Variants in URI1 observed in about 807,000 individuals in gnomAD.
URI1 encodes URI1 prefoldin like chaperone.
Under a neutral mutation model 60.2 loss-of-function variants are expected in URI1, and 39 were observed. The observed-to-expected ratio is 0.65, with a 90% CI of 0.50 to 0.85. The LOEUF is 0.85. Among genes scored for constraint, URI1 ranks in the 40% least tolerant of loss-of-function variants. URI1 has a pLI of 0.00. For missense variants in URI1, 691 were observed against 665.9 expected, an observed-to-expected ratio of 1.04 and a Z score of -0.42; for synonymous variants, 251 against 236.8, an observed-to-expected ratio of 1.06 and a Z score of -0.55.
chr19:29,972,812 C>G (rs1463854595), intron 2 of URI1, among the ~76,000 whole-genome samples: 3 of 152,124 alleles, frequency 2.0e-5, no homozygotes, highest in African/African-American at 7.2e-5. Context: ...ATGGCAGGTT[C>G]ATGTGACCCT....
At chr19:30,005,929 A>T (rs1444909696) in intron 6 of URI1, among the ~76,000 whole-genome samples, 1 of 151,986 alleles carries the variant, frequency 6.6e-6, no homozygotes, top group African/African-American at 2.4e-5. Flanking sequence ...TAGTGGTGGG[A>T]TTACATGGCT....
intron 2 of URI1, among the ~76,000 whole-genome samples, chr19:29,977,492 A>G (rs970803631): frequency 2.0e-5 from 3 of 151,558 alleles, no homozygotes; most frequent in East Asian, 1.9e-4. Context: ...TTTACTGACT[A>G]CAAAGTTTTC....
intron 1 of URI1, among the ~76,000 whole-genome samples, chr19:29,963,085 TTG>T (rs2055347312): frequency 6.6e-6 from 1 of 152,202 alleles, no homozygotes. Flanking sequence ...GTTAACTATG[TTG>T]TGCCTTGAAA....
intron 1 of URI1, among the ~76,000 whole-genome samples, chr19:29,964,845 A>G (rs560352832): frequency 3.1e-4 from 46 of 148,464 alleles, no homozygotes; most frequent in African/African-American, 1.0e-3. Context: ...ACCTGGGAGT[A>G]TATTTTCCTG....
At chr19:29,982,934 G>A (rs1434322289) in intron 2 of URI1, among the ~76,000 whole-genome samples, 1 of 152,156 alleles carries the variant, frequency 6.6e-6, no homozygotes, top group Non-Finnish European at 1.5e-5. Context: ...TGCCATTGAA[G>A]TTACTAAGAC....
chr19:30,008,913 C>G, intron 7 of URI1, 92 bp from the exon 8 acceptor site: 1 of 972,324 alleles, frequency 1.0e-6, no homozygotes, highest in South Asian at 2.0e-5. Context: ...TATTCAAGAT[C>G]TTAGTATTTA....
Position 29,992,056 on chromosome 19 carries a change from A to G in URI1, c.367+5639A>G, listed in dbSNP as rs138274136. ...TTTACTTTTATGCTAACTATATCAT[A>G]TTTAAAGTGGGTTTCTTTTTTTTGT... On this transcript the variant is annotated intron_variant, in intron 4 of 10. Transcript: ENST00000392271. Among the ~76,000 whole-genome samples, 49 of 152,182 alleles carry G rather than the reference A, an allele frequency of 3.2e-4. 1 individual carries two copies. In the East Asian group the frequency reaches 9.3e-3, roughly 29 times the overall value.
chr19:30,014,737 A>G lies in URI1; in HGVS notation c.1426-150A>G. The G allele has an allele frequency of 6.3e-6, 4 of 630,800 alleles. No homozygotes were observed. In the South Asian group the frequency reaches 1.1e-4, roughly 17 times the overall value. The allele number at this position is 630,800 out of a possible 1,614,324, so 39.1% of individuals were successfully genotyped here. ...AAACTTAATGGTGTTGGTTTCTCTG[A>G]ACAATTAGTATTTTGGTGTAGTAGT... On this transcript the variant is annotated intron_variant, in intron 10 of 10. Transcript: ENST00000392271.
intron 4 of URI1, among the ~76,000 whole-genome samples, chr19:29,998,501 G>A (rs1339071932): frequency 6.6e-6 from 1 of 152,016 alleles, no homozygotes; most frequent in African/African-American, 2.4e-5. Context: ...GCTCTGTTAG[G>A]TATGTATGTA....
intron 4 of URI1, among the ~76,000 whole-genome samples, chr19:29,989,119 T>A (rs1161927215): frequency 6.6e-6 from 1 of 152,192 alleles, no homozygotes; most frequent in African/African-American, 2.4e-5. Flanking sequence ...CTTTTTTTTT[T>A]TTATTTTTTG....
chr19:29,969,718 G>A (rs1367471429), intron 1 of URI1, among the ~76,000 whole-genome samples: 2 of 152,126 alleles, frequency 1.3e-5, no homozygotes, highest in Non-Finnish European at 2.9e-5. Context: ...TTTTAATGGG[G>A]TTGTTAAATA....
chr19:29,977,548 GTTATT>G (rs2055538664), intron 2 of URI1, among the ~76,000 whole-genome samples: 1 of 129,266 alleles, frequency 7.7e-6, no homozygotes, highest in Non-Finnish European at 1.6e-5. Flanking sequence ...TTTTCTTTAT[GTTATT>G]TTTTCTTTTT....
chr19:29,974,984 G>C (rs1329619957), intron 2 of URI1, among the ~76,000 whole-genome samples: 1 of 152,120 alleles, frequency 6.6e-6, no homozygotes, highest in African/African-American at 2.4e-5. Flanking sequence ...GTTCACTGTT[G>C]ATGGGCACTT....
chr19:30,012,370 G>A lies in URI1; in HGVS notation c.1264G>A (p.Asp422Asn), dbSNP rs764248291. ...SRSRENSVCS[D>N]TSESSAAEFD... ...AAGTAGAGAGAATAGTGTGTGTAGC[G>A]ACACTAGTGAAAGCAGTGCTGCTGA... Residue 422 changes from aspartate (D) to asparagine (N), a missense_variant, in exon 10 of 11, where the codon GAC (aspartate) becomes AAC (asparagine). Transcript: ENST00000392271. 11 of 1,614,174 alleles carry A rather than the reference G, an allele frequency of 6.8e-6. No homozygotes were observed. In the East Asian group the frequency reaches 1.6e-4, roughly 23 times the overall value.
chr19:29,959,813 C>T (rs1365666364), intron 1 of URI1, among the ~76,000 whole-genome samples: 3 of 150,644 alleles, frequency 2.0e-5, no homozygotes, highest in South Asian at 2.1e-4. Flanking sequence ...GATTTTTTTC[C>T]TCTTTTCTAA....
chr19:29,980,922 C>CAAAA (rs5827686), intron 2 of URI1, among the ~76,000 whole-genome samples: 2 of 68,596 alleles, frequency 2.9e-5, no homozygotes, highest in African/African-American at 5.3e-5. Flanking sequence ...ACTCCATCTC[C>CAAAA]AAAAAAAAAA....
At position 30,007,593 on chromosome 19, in the gene URI1, T is replaced by G; in HGVS notation, c.641T>G (p.Leu214Arg). 6.2e-7 allele frequency: 1 copy of G among 1,613,042 alleles called. No individual in the cohort carries two copies. The highest frequency in any genetic ancestry group is 8.5e-7 in the Non-Finnish European group (1 of 1,179,378). Residue 214 changes from leucine to arginine, a missense_variant, in exon 7 of 11, where the codon CTT becomes CGT. Leu to Arg is a moderately radical substitution (Grantham distance 102, BLOSUM62 -2). Coordinates refer to ENST00000392271, the MANE Select transcript of URI1 (RefSeq NM_003796.3). ...GCTGATAAAGAACTGTGGGCTCGAC[T>G]TGAAGAACTAGAGAGACAGGAAGAA... The part of the protein sequence containing the change: ...LLADKELWAR[L>R]EELERQEELL...
At chr19:29,940,937 A>G (rs1436353761), upstream of URI1, among the ~76,000 whole-genome samples, 1 of 152,188 alleles carries the variant, frequency 6.6e-6, no homozygotes, top group African/African-American at 2.4e-5. Flanking sequence ...GGTAGAAGAG[A>G]TGGTAACAAT....
chr19:30,007,767 A>G, intron 7 of URI1, 129 bp downstream of exon 7: 2 of 756,874 alleles, frequency 2.6e-6, no homozygotes, highest in East Asian at 3.0e-5. Flanking sequence ...ATATATTATC[A>G]ATAATCCTTT....
Sources: allele counts gnomAD v4.1 joint callset (sites outside exome capture counted in the v4.1 genomes callset), GRCh38; gene constraint gnomAD v4.1.1; transcripts MANE v1.5; gene names NCBI Gene and HGNC (gene_info 2026-07-23, HGNC 2026-07-21).